The following SOX5 variants were observed in gnomAD, a reference collection of about 807,000 sequenced individuals.
The protein encoded by SOX5 is transcription factor SOX-5.
SOX5 carries 9 observed loss-of-function variants against 92.0 expected under a neutral mutation model. The ratio of observed to expected loss-of-function variants is 0.10; its 90% CI spans 0.06 to 0.17. The LOEUF (loss-of-function observed/expected upper bound fraction) is 0.17. Ranked by LOEUF, SOX5 falls within the 10% of genes least tolerant of loss-of-function variation. The pLI is 1.00. For missense variants in SOX5, 642 were observed against 944.5 expected (o/e 0.68, Z 4.20); for synonymous variants, 344 against 336.3 (o/e 1.02, Z -0.25).
intron 2 of SOX5, among the ~76,000 whole-genome samples, chr12:23,872,748 A>T (rs939182382): frequency 1.3e-5 from 2 of 152,208 alleles, no homozygotes; most frequent in Non-Finnish European, 2.9e-5. Context: ...GACTAATATA[A>T]CCTTGATTTT....
intron 1 of SOX5, among the ~76,000 whole-genome samples, chr12:23,905,994 C>A (rs2097289726): frequency 6.6e-6 from 1 of 152,076 alleles, no homozygotes; most frequent in African/African-American, 2.4e-5. Context: ...ACATTTCAAT[C>A]AAGTCACTTG....
chr12:23,973,221 G>A (rs1220176708), intron 4 of SOX5, among the ~76,000 whole-genome samples: 2 of 144,822 alleles, frequency 1.4e-5, no homozygotes, highest in East Asian at 4.1e-4. Flanking sequence ...GAGTGCAGTG[G>A]TGTGATCTCA....
At chr12:23,757,918 A>C (rs1432663893) in intron 3 of SOX5, among the ~76,000 whole-genome samples, 2 of 149,440 alleles carry the variant, frequency 1.3e-5, no homozygotes. Flanking sequence ...CCTGCAGAAC[A>C]TTCCAGGCCT....
chr12:23,977,662 T>C (rs1214087179), intron 4 of SOX5, among the ~76,000 whole-genome samples: 1 of 50,726 alleles, frequency 2.0e-5, no homozygotes. Context: ...TCGTTCTGTC[T>C]CAAAAAAAAA....
chr12:24,172,076 T>C (rs1593893324), intron 4 of SOX5, among the ~76,000 whole-genome samples: 3 of 141,486 alleles, frequency 2.1e-5, no homozygotes, highest in African/African-American at 7.7e-5. Flanking sequence ...GAACTGTGTG[T>C]GCGTGTGTGT....
chr12:24,206,838 C>G (rs1004443795), intron 4 of SOX5, among the ~76,000 whole-genome samples: 1 of 152,168 alleles, frequency 6.6e-6, no homozygotes, highest in Non-Finnish European at 1.5e-5. Flanking sequence ...CCAGGGAAAT[C>G]CACAGCCAGA....
At chr12:23,767,647 C>G (rs2094781997) in intron 3 of SOX5, among the ~76,000 whole-genome samples, 1 of 151,962 alleles carries the variant, frequency 6.6e-6, no homozygotes, top group Non-Finnish European at 1.5e-5. Context: ...TTCTTAAAAC[C>G]ATCGGTGAGT....
chr12:24,191,107 A>G (rs576109812), intron 4 of SOX5, among the ~76,000 whole-genome samples: 2 of 152,278 alleles, frequency 1.3e-5, no homozygotes, highest in African/African-American at 4.8e-5. Flanking sequence ...ACCTGGCTTT[A>G]AATTCTCCCT....
rs1565915838 is a variant in SOX5, at chr12:23,570,960, T to A, written c.1342+4701A>T. 3.5e-4 allele frequency among the ~76,000 whole-genome samples: 30 copies of A among 86,482 alleles called. 1 individual carries two copies. The highest frequency in any genetic ancestry group is 4.8e-4 in the Non-Finnish European group (20 of 41,690). 56.7% of individuals were successfully genotyped at this position (86,482 alleles called of 152,430 possible). ...ATATATATATATATATATATATATA[T>A]ATATATATATATATATATATATATT... On this transcript the variant is annotated intron_variant, in intron 10 of 14. Transcript: ENST00000451604.
At chr12:23,658,081 T>C (rs181164945) in intron 7 of SOX5, among the ~76,000 whole-genome samples, 12 of 152,308 alleles carry the variant, frequency 7.9e-5, no homozygotes, top group Admixed American at 6.5e-4. Context: ...GTTACTAATA[T>C]AGATCAGTTA....
At chr12:24,525,346 T>C (rs2138555806) in intron 1 of SOX5, among the ~76,000 whole-genome samples, 1 of 152,224 alleles carries the variant, frequency 6.6e-6, no homozygotes, top group Non-Finnish European at 1.5e-5. Context: ...ATTCCTAGAA[T>C]CAGAGTGGAA....
chr12:24,458,511 C>A (rs1177785648), intron 1 of SOX5, among the ~76,000 whole-genome samples: 2 of 152,120 alleles, frequency 1.3e-5, no homozygotes, highest in Non-Finnish European at 1.5e-5. Context: ...TGATACCCGG[C>A]CACATTCCAC....
intron 2 of SOX5, among the ~76,000 whole-genome samples, chr12:24,282,351 G>A (rs1565820716): frequency 6.7e-6 from 1 of 149,814 alleles, no homozygotes; most frequent in East Asian, 1.9e-4. Context: ...AAAACTTAAA[G>A]TATAATAAAA....
chr12:24,301,333 T>C (rs1348107256), intron 2 of SOX5, among the ~76,000 whole-genome samples: 1 of 152,256 alleles, frequency 6.6e-6, no homozygotes, highest in East Asian at 1.9e-4. Flanking sequence ...GTCTGGATTA[T>C]TTATGGAAAG....
chr12:24,164,082 T>C (rs1953096267), intron 4 of SOX5, among the ~76,000 whole-genome samples: 2 of 152,130 alleles, frequency 1.3e-5, no homozygotes, highest in Admixed American at 6.6e-5. Context: ...CCTCTACTTA[T>C]GGTCTCAGAG....
At chr12:23,945,762 C>A (rs1217913807) in intron 1 of SOX5, among the ~76,000 whole-genome samples, 1 of 152,104 alleles carries the variant, frequency 6.6e-6, no homozygotes, top group Non-Finnish European at 1.5e-5. Flanking sequence ...GAACAGATAA[C>A]TTTTCTGTGA....
chr12:24,175,793 G>A (rs35277263), intron 4 of SOX5, among the ~76,000 whole-genome samples: 7,841 of 152,074 alleles, frequency 0.052, 216 homozygotes, highest in African/African-American at 0.074. Context: ...AAGAAAATAA[G>A]GAATGGGTAT....
At chr12:24,401,940 G>A (rs2136650895) in intron 1 of SOX5, among the ~76,000 whole-genome samples, 1 of 152,108 alleles carries the variant, frequency 6.6e-6, no homozygotes, top group African/African-American at 2.4e-5. Context: ...TATTTAGAAT[G>A]TATAACATAA....
chr12:24,003,385 G>T (rs1027614267), intron 4 of SOX5, among the ~76,000 whole-genome samples: 1 of 151,844 alleles, frequency 6.6e-6, no homozygotes, highest in Non-Finnish European at 1.5e-5. Flanking sequence ...TCTTCTCGGG[G>T]TGTTTGATCC....
Sources: allele counts gnomAD v4.1 joint callset (sites outside exome capture counted in the v4.1 genomes callset), GRCh38; gene constraint gnomAD v4.1.1; transcripts MANE v1.5; gene names NCBI Gene and HGNC (gene_info 2026-07-23, HGNC 2026-07-21).